Variants in ESR1 observed in about 807,000 individuals in gnomAD.
ESR1 encodes estrogen receptor 1.
In ESR1, 12 loss-of-function variants were observed where a neutral mutation model predicts 52.7. The ratio of observed to expected loss-of-function variants is 0.23; its 90% CI spans 0.15 to 0.37. The LOEUF (loss-of-function observed/expected upper bound fraction) is 0.37. Among genes scored for constraint, ESR1 ranks in the 10% least tolerant of loss-of-function variants. The pLI, the probability that ESR1 is intolerant of heterozygous loss-of-function variation, is 1.00. For missense variants in ESR1, 584 were observed against 779.7 expected, an observed-to-expected ratio of 0.75 and a Z score of 2.99; for synonymous variants, 305 against 316.8, an observed-to-expected ratio of 0.96 and a Z score of 0.39.
intron 1 of ESR1, among the ~76,000 whole-genome samples, chr6:151,821,192 T>C (rs1219129335): frequency 6.6e-6 from 1 of 151,772 alleles, no homozygotes; most frequent in Admixed American, 6.6e-5. Flanking sequence ...CAGTTCCTGT[T>C]CACCGAGGGC....
upstream of ESR1, among the ~76,000 whole-genome samples, chr6:151,686,805 C>T (rs1379936274): frequency 6.6e-6 from 1 of 152,156 alleles, no homozygotes; most frequent in Non-Finnish European, 1.5e-5. Flanking sequence ...ATGGGAAAGA[C>T]CACCAGAGGT....
intron 6 of ESR1, among the ~76,000 whole-genome samples, chr6:152,120,987 C>T (rs2051313424): frequency 6.6e-6 from 1 of 152,214 alleles, no homozygotes; most frequent in Admixed American, 6.5e-5. Flanking sequence ...GATACTCTCT[C>T]TCTCTCCCCC....
intron 4 of ESR1, among the ~76,000 whole-genome samples, chr6:151,961,239 G>A (rs1223565577): frequency 6.6e-6 from 1 of 152,118 alleles, no homozygotes; most frequent in Non-Finnish European, 1.5e-5. Flanking sequence ...GGGACAGTCA[G>A]AAAGAAGAGA....
chr6:151,679,419 G>A (rs948387628), intron 1 of ESR1, among the ~76,000 whole-genome samples: 3 of 152,016 alleles, frequency 2.0e-5, no homozygotes, highest in African/African-American at 2.4e-5. Flanking sequence ...GCGCAATCTC[G>A]GCTCACCGCA....
intron 2 of ESR1, among the ~76,000 whole-genome samples, chr6:151,746,755 G>A (rs568918237): frequency 6.6e-6 from 1 of 152,218 alleles, no homozygotes; most frequent in Admixed American, 6.5e-5. Context: ...TGGGATTTAG[G>A]TATGGAGTGG....
chr6:152,109,733 C>A lies in ESR1; in HGVS notation c.851-15533C>A, dbSNP rs370605233. ...AAACAGTTGCAATATTTGTGAATACCACCAAAAGAGCAGAGCTGAGACCAG... is the reference window on the plus strand; with the variant it reads ...AAACAGTTGCAATATTTGTGAATACAACCAAAAGAGCAGAGCTGAGACCAG... On this transcript the variant is annotated intron_variant, in intron 6 of 6. Coordinates refer to the ESR1 transcript ENST00000427531. Among the ~76,000 whole-genome samples the A allele has an allele frequency of 3.3e-5, 5 of 152,214 alleles. No homozygotes were observed. The South Asian group carries it at 1.0e-3, about 32-fold the overall frequency.
At chr6:151,923,920 T>C (rs535459656) in intron 3 of ESR1, among the ~76,000 whole-genome samples, 1 of 152,236 alleles carries the variant, frequency 6.6e-6, no homozygotes, top group Non-Finnish European at 1.5e-5. Flanking sequence ...CATTTTGCAT[T>C]CCCACCAGCA....
chr6:151,985,520 A>AC (rs1212532428), intron 4 of ESR1, among the ~76,000 whole-genome samples: 5,555 of 141,180 alleles, frequency 0.039, 494 homozygotes, highest in African/African-American at 0.13. Flanking sequence ...AAAAAAAAAA[A>AC]AAAAAAAAAA....
Position 152,033,598 on chromosome 6 carries a change from C to G in ESR1, c.1235+21804C>G, listed in dbSNP as rs531373640. 1.8e-4 allele frequency among the ~76,000 whole-genome samples: 27 copies of G among 152,272 alleles called. No homozygotes were observed. In the East Asian group the frequency reaches 4.8e-3, roughly 27 times the overall value. On this transcript the variant is annotated intron_variant, in intron 5 of 7. Coordinates refer to ENST00000206249, the MANE Select transcript of ESR1 (RefSeq NM_000125.4). Reference sequence around the variant, plus strand: ...GCAAATCAAAACCACAATGAGATACCATCTCACACCAGTTAGAATGGTGAT... The same window carrying G: ...GCAAATCAAAACCACAATGAGATACGATCTCACACCAGTTAGAATGGTGAT...
chr6:151,824,498 T>G (rs1453006234), intron 1 of ESR1, among the ~76,000 whole-genome samples: 2 of 152,260 alleles, frequency 1.3e-5, no homozygotes, highest in Non-Finnish European at 2.9e-5. Flanking sequence ...TTGTCAATTT[T>G]GGCTTTTGTT....
At chr6:151,959,375 C>T (rs1182907649) in intron 4 of ESR1, among the ~76,000 whole-genome samples, 5 of 152,312 alleles carry the variant, frequency 3.3e-5, no homozygotes, top group East Asian at 1.9e-4. Context: ...CCATGAACAA[C>T]GTCAAATGCT....
At chr6:152,009,042 T>C (rs2128767309) in intron 4 of ESR1, among the ~76,000 whole-genome samples, 1 of 152,168 alleles carries the variant, frequency 6.6e-6, no homozygotes, top group South Asian at 2.1e-4. Context: ...GCAAGACTAG[T>C]TCCTTTTGAC....
chr6:152,025,957 A>AT (rs961133795), intron 5 of ESR1, among the ~76,000 whole-genome samples: 3 of 151,864 alleles, frequency 2.0e-5, no homozygotes, highest in Non-Finnish European at 2.9e-5. Context: ...TTCATGTTTT[A>AT]TTTTGTCTCT....
Position 151,807,731 on chromosome 6 carries a change from G to T in ESR1, c.-182G>T. Reference sequence around the variant, plus strand: ...GGACTGCACTTGCTCCCGTCGGGTCGCCCGGCTTCACCGGACCCGCAGGCT... The same window carrying T: ...GGACTGCACTTGCTCCCGTCGGGTCTCCCGGCTTCACCGGACCCGCAGGCT... On this transcript the variant is annotated 5_prime_UTR_variant, in exon 1 of 8. Coordinates refer to ENST00000206249, the MANE Select transcript of ESR1 (RefSeq NM_000125.4). 1 of 672,932 alleles carries T rather than the reference G, an allele frequency of 1.5e-6. No individual in the cohort carries two copies. Among genetic ancestry groups the T allele is most frequent in the Non-Finnish European group, 2.6e-6 (1 of 380,042 alleles). 41.7% of individuals were successfully genotyped at this position (672,932 alleles called of 1,614,324 possible).
chr6:151,715,637 T>C, intron 2 of ESR1, among the ~76,000 whole-genome samples: 1 of 152,206 alleles, frequency 6.6e-6, no homozygotes, highest in Non-Finnish European at 1.5e-5. Context: ...CTATTGATAC[T>C]TGTGTATGCT....
At chr6:152,016,343 C>T (rs974007458) in intron 5 of ESR1, among the ~76,000 whole-genome samples, 1 of 151,888 alleles carries the variant, frequency 6.6e-6, no homozygotes, top group African/African-American at 2.4e-5. Context: ...AATACATATA[C>T]ATTTATATTT....
At chr6:151,786,872 C>T (rs965581191) in intron 2 of ESR1, among the ~76,000 whole-genome samples, 6 of 152,106 alleles carry the variant, frequency 3.9e-5, no homozygotes, top group Non-Finnish European at 7.4e-5. Context: ...TGCAGTGGCA[C>T]GATTTTGGCT....
intron 2 of ESR1, among the ~76,000 whole-genome samples, chr6:151,703,237 GACTTT>G (rs1211093190): frequency 6.6e-6 from 1 of 152,150 alleles, no homozygotes; most frequent in East Asian, 1.9e-4. Flanking sequence ...TCTAGGCAAA[GACTTT>G]ACTTAGTGAC....
intron 4 of ESR1, among the ~76,000 whole-genome samples, chr6:151,992,122 A>G (rs1021587523): frequency 2.6e-5 from 4 of 152,032 alleles, no homozygotes; most frequent in African/African-American, 9.7e-5. Flanking sequence ...TGTCTTATTC[A>G]TTTTTCTTGT....
Sources: gnomAD v4.1 joint callset for allele counts (sites outside exome capture counted in the v4.1 genomes callset) on GRCh38, gnomAD v4.1.1 for gene constraint, MANE v1.5 for transcripts, NCBI Gene and HGNC (gene_info 2026-07-23, HGNC 2026-07-21) for gene names.